The following CDKL4 variants were observed in gnomAD, a reference collection of about 807,000 sequenced individuals.
The protein encoded by CDKL4 is cyclin-dependent kinase-like 4.
Under a neutral mutation model 42.0 loss-of-function variants are expected in CDKL4, and 44 were observed. The observed-to-expected ratio is 1.05, with a 90% CI of 0.82 to 1.35. CDKL4 has a LOEUF of 1.35. CDKL4 is among the 40% of genes most tolerant of loss of function. The pLI is 0.00. For missense variants in CDKL4, 393 were observed against 369.9 expected, an observed-to-expected ratio of 1.06 and a Z score of -0.51; for synonymous variants, 120 against 121.6, an observed-to-expected ratio of 0.99 and a Z score of 0.09.
chr2:39,185,474 A>G (rs1337649657), intron 7 of CDKL4, among the ~76,000 whole-genome samples: 1 of 135,054 alleles, frequency 7.4e-6, no homozygotes. Context: ...ATATATATAT[A>G]TATATTTGAG....
At chr2:39,246,558 C>G (rs1470768791), upstream of CDKL4, among the ~76,000 whole-genome samples, 1 of 152,222 alleles carries the variant, frequency 6.6e-6, no homozygotes, top group Non-Finnish European at 1.5e-5. Flanking sequence ...CTGCTTCAGG[C>G]ACCCGAAACT....
intron 1 of CDKL4, among the ~76,000 whole-genome samples, chr2:39,232,626 G>A (rs1335820493): frequency 6.6e-6 from 1 of 152,150 alleles, no homozygotes; most frequent in Non-Finnish European, 1.5e-5. Context: ...AGTGACTGCT[G>A]CCTAAACCTA....
chr2:39,183,516 C>G (rs952341262), intron 8 of CDKL4, among the ~76,000 whole-genome samples: 6 of 152,142 alleles, frequency 3.9e-5, no homozygotes, highest in African/African-American at 1.4e-4. Flanking sequence ...GGGAACTTGT[C>G]CTATATCTTG....
intron 3 of CDKL4, among the ~76,000 whole-genome samples, chr2:39,216,732 G>C (rs1197700071): frequency 2.0e-5 from 3 of 152,184 alleles, no homozygotes; most frequent in Non-Finnish European, 4.4e-5. Flanking sequence ...AGAGCCTACA[G>C]GTGCAGGAGA....
At chr2:39,221,000 TGTTTTTTTTTTTG>T (rs1678310745) in intron 3 of CDKL4, among the ~76,000 whole-genome samples, 3 of 46,534 alleles carry the variant, frequency 6.4e-5, no homozygotes, top group African/African-American at 1.8e-4. Flanking sequence ...TTTTTTTTTT[TGTTTTTTTTTTTG>T]TTTTGTTTTT....
chr2:39,185,119 T>TAC (rs1175917105), intron 7 of CDKL4, among the ~76,000 whole-genome samples: 1 of 137,844 alleles, frequency 7.3e-6, no homozygotes, highest in African/African-American at 2.8e-5. Context: ...TATATATATA[T>TAC]ACACACACAT....
At chr2:39,209,631 A>C (rs1677458729) in intron 4 of CDKL4, among the ~76,000 whole-genome samples, 1 of 152,214 alleles carries the variant, frequency 6.6e-6, no homozygotes, top group Non-Finnish European at 1.5e-5. Context: ...TCTATGAACC[A>C]TAGTTGGAGT....
chr2:39,214,076 C>T (rs1677760430), intron 3 of CDKL4, among the ~76,000 whole-genome samples: 1 of 151,988 alleles, frequency 6.6e-6, no homozygotes, highest in African/African-American at 2.4e-5. Context: ...GCACGTGCCA[C>T]GATACCCGGC....
chr2:39,235,318 T>G (rs1573031767), intron 1 of CDKL4, among the ~76,000 whole-genome samples: 1 of 151,842 alleles, frequency 6.6e-6, no homozygotes, highest in East Asian at 1.9e-4. Flanking sequence ...TTAATATACT[T>G]AAAGATCAAA....
intron 9 of CDKL4, chr2:39,178,508 A>G (rs1220012136): frequency 6.5e-7 from 1 of 1,529,852 alleles, no homozygotes; most frequent in East Asian, 2.5e-5. Context: ...ACAAGGTGAG[A>G]AAAAGCCCTG....
chr2:39,246,840 C>T (rs1439737793), upstream of CDKL4, among the ~76,000 whole-genome samples: 5 of 152,278 alleles, frequency 3.3e-5, no homozygotes, highest in Admixed American at 2.0e-4. Flanking sequence ...AACTCTTGGG[C>T]TCAAGTGATT....
chr2:39,191,242 T>C (rs1188042952), intron 5 of CDKL4, among the ~76,000 whole-genome samples: 2 of 152,110 alleles, frequency 1.3e-5, no homozygotes, highest in East Asian at 1.9e-4. Context: ...CTACTAAAAA[T>C]ACGAAAATTA....
rs1156784736 is a variant in CDKL4, at chr2:39,183,471, C to T, written c.792+1120G>A. 2.0e-5 allele frequency among the ~76,000 whole-genome samples: 3 copies of T among 152,170 alleles called. No individual in the cohort carries two copies. In the East Asian group the frequency reaches 5.8e-4, roughly 29 times the overall value. On this transcript the variant is annotated intron_variant, in intron 8 of 9. Transcript: ENST00000451199. ...TAGATTCATCTAAAACCTTAGGCAG[C>T]CAACCAGGGCTCTTCATCTTTGGAG... is the stretch of plus-strand genomic sequence containing the variant.
intron 5 of CDKL4, among the ~76,000 whole-genome samples, chr2:39,199,061 G>A (rs1176449506): frequency 6.6e-6 from 1 of 151,988 alleles, no homozygotes; most frequent in African/African-American, 2.4e-5. Context: ...CTGGTTCTTT[G>A]AAAAGATAAA....
At chr2:39,172,655 C>A (rs1162362743), downstream of CDKL4, among the ~76,000 whole-genome samples, 2 of 152,182 alleles carry the variant, frequency 1.3e-5, no homozygotes, top group Non-Finnish European at 1.5e-5. Flanking sequence ...GATCTCAGCT[C>A]ACTACAATCT....
intron 1 of CDKL4, among the ~76,000 whole-genome samples, chr2:39,235,536 G>T (rs991660106): frequency 6.6e-6 from 1 of 152,124 alleles, no homozygotes; most frequent in Non-Finnish European, 1.5e-5. Context: ...ATTGAGCTCA[G>T]GAGTTCAAGA....
chr2:39,188,165 C>T (rs1489148882), intron 6 of CDKL4, among the ~76,000 whole-genome samples: 1 of 152,174 alleles, frequency 6.6e-6, no homozygotes, highest in African/African-American at 2.4e-5. Flanking sequence ...ATTGTTCCCT[C>T]CAGAGATGAG....
intron 1 of CDKL4, among the ~76,000 whole-genome samples, chr2:39,232,937 C>G (rs1213200667): frequency 6.7e-6 from 1 of 148,242 alleles, no homozygotes; most frequent in Admixed American, 6.9e-5. Context: ...CCCAGCTACT[C>G]AGGAGGCTGA....
At chr2:39,241,713 A>C (rs1458808969) in intron 1 of CDKL4, among the ~76,000 whole-genome samples, 2 of 152,134 alleles carry the variant, frequency 1.3e-5, no homozygotes, top group Non-Finnish European at 2.9e-5. Flanking sequence ...CTTTCTGCTT[A>C]GCTTCTCCCA....
Sources: allele counts gnomAD v4.1 joint callset (sites outside exome capture counted in the v4.1 genomes callset), GRCh38; gene constraint gnomAD v4.1.1; transcripts MANE v1.5; gene names NCBI Gene and HGNC (gene_info 2026-07-23, HGNC 2026-07-21).